GRM7: variants seen among roughly 807,000 people sequenced by gnomAD.
GRM7 encodes the protein glutamate metabotropic receptor 7.
GRM7 carries 35 observed loss-of-function variants against 84.5 expected under a neutral mutation model. The observed-to-expected ratio is 0.41, with a 90% CI of 0.32 to 0.55. The LOEUF is 0.55. GRM7 is among the 20% of genes least tolerant of loss of function. The pLI is 0.19. For synonymous variants in GRM7, 487 were observed against 455.1 expected (o/e 1.07, Z -0.89); for missense variants, 1,003 against 1,194.6 (o/e 0.84, Z 2.36).
intron 4 of GRM7, among the ~76,000 whole-genome samples, chr3:7,351,535 A>G (rs551019508): frequency 6.6e-6 from 1 of 152,038 alleles, no homozygotes; most frequent in African/African-American, 2.4e-5. Context: ...TATGTCTGTG[A>G]GGGTATCTCC....
intron 4 of GRM7, among the ~76,000 whole-genome samples, chr3:7,341,378 T>C (rs1206550257): frequency 6.6e-6 from 1 of 152,068 alleles, no homozygotes; most frequent in Middle Eastern, 3.2e-3. Flanking sequence ...CTCATGTTTT[T>C]TTTTTGTTTA....
chr3:7,718,396 A>T (rs1194077123), intron 9 of GRM7, among the ~76,000 whole-genome samples: 1 of 152,136 alleles, frequency 6.6e-6, no homozygotes, highest in African/African-American at 2.4e-5. Context: ...TAACTCACTG[A>T]CTGTTTATAA....
intron 4 of GRM7, among the ~76,000 whole-genome samples, chr3:7,410,594 T>C (rs1575295280): frequency 9.4e-6 from 1 of 106,328 alleles, no homozygotes; most frequent in African/African-American, 3.9e-5. Context: ...TATATATATA[T>C]ATATACACAC....
intron 7 of GRM7, among the ~76,000 whole-genome samples, chr3:7,537,396 G>T (rs1467499568): frequency 6.6e-6 from 1 of 152,182 alleles, no homozygotes; most frequent in African/African-American, 2.4e-5. Context: ...CTATTAAGAA[G>T]CTGTTTTAGA....
chr3:7,377,631 C>A (rs951832096), intron 4 of GRM7, among the ~76,000 whole-genome samples: 1 of 152,216 alleles, frequency 6.6e-6, no homozygotes, highest in African/African-American at 2.4e-5. Context: ...ATTAAGGTGA[C>A]CTCAGATGTT....
At chr3:7,216,581 A>G (rs1335033046) in intron 2 of GRM7, among the ~76,000 whole-genome samples, 1 of 152,312 alleles carries the variant, frequency 6.6e-6, no homozygotes, top group Non-Finnish European at 1.5e-5. Flanking sequence ...GGAAAATAAC[A>G]CATCTTTTGT....
intron 1 of GRM7, among the ~76,000 whole-genome samples, chr3:6,880,436 C>G (rs1365889774): frequency 6.6e-6 from 1 of 152,158 alleles, no homozygotes; most frequent in Non-Finnish European, 1.5e-5. Context: ...ATGACATTCT[C>G]TTTCTCTGCA....
intron 9 of GRM7, among the ~76,000 whole-genome samples, chr3:7,688,816 A>G (rs1361656644): frequency 6.6e-6 from 1 of 152,198 alleles, no homozygotes; most frequent in African/African-American, 2.4e-5. Flanking sequence ...CAAATCAAAT[A>G]TTTGCTTACA....
intron 7 of GRM7, among the ~76,000 whole-genome samples, chr3:7,562,512 T>C (rs1694074462): frequency 6.6e-6 from 1 of 152,056 alleles, no homozygotes; most frequent in Admixed American, 6.6e-5. Context: ...TGAGAGCGTT[T>C]GCAACCCAGT....
chr3:7,097,320 A>G (rs190903631), intron 1 of GRM7, among the ~76,000 whole-genome samples: 34 of 152,298 alleles, frequency 2.2e-4, no homozygotes, highest in African/African-American at 7.9e-4. Flanking sequence ...TCAATGCAAT[A>G]ACTATCCACT....
intron 1 of GRM7, among the ~76,000 whole-genome samples, chr3:6,936,147 C>G (rs1374890009): frequency 1.3e-5 from 2 of 152,200 alleles, no homozygotes; most frequent in African/African-American, 2.4e-5. Context: ...GTTCCTCCAG[C>G]ACCCAGCTGT....
intron 1 of GRM7, among the ~76,000 whole-genome samples, chr3:7,064,820 A>C (rs910114423): frequency 6.6e-6 from 1 of 151,772 alleles, no homozygotes; most frequent in Non-Finnish European, 1.5e-5. Context: ...CCAGCAGTGC[A>C]GAAGTGTTCT....
intron 7 of GRM7, among the ~76,000 whole-genome samples, chr3:7,506,317 A>C (rs1700038376): frequency 6.6e-6 from 1 of 152,148 alleles, no homozygotes; most frequent in South Asian, 2.1e-4. Flanking sequence ...ATAACTACTT[A>C]AGTAATCTCT....
At chr3:6,960,428 C>T (rs1693248677) in intron 1 of GRM7, among the ~76,000 whole-genome samples, 1 of 152,124 alleles carries the variant, frequency 6.6e-6, no homozygotes, top group Admixed American at 6.6e-5. Context: ...TCCACACTTC[C>T]TATGCTTCTG....
chr3:7,687,641 T>C lies in GRM7; in HGVS notation c.2698+7346T>C, dbSNP rs139162002. On this transcript the variant is annotated intron_variant, in intron 9 of 9. Coordinates refer to ENST00000357716, the MANE Select transcript of GRM7 (RefSeq NM_000844.4). ...AGGTCATACCGCAGGAGGGGAAAAATATTGCTTAATGATGTAGACTGGCCT... is the reference window on the plus strand; with the variant it reads ...AGGTCATACCGCAGGAGGGGAAAAACATTGCTTAATGATGTAGACTGGCCT... Among the ~76,000 whole-genome samples, 51 of 152,174 alleles carry C rather than the reference T, an allele frequency of 3.4e-4. 1 individual carries two copies. The East Asian group carries it at 8.7e-3, about 26-fold the overall frequency.
intron 7 of GRM7, among the ~76,000 whole-genome samples, chr3:7,513,053 C>A (rs1445344540): frequency 6.6e-6 from 1 of 152,152 alleles, no homozygotes; most frequent in Non-Finnish European, 1.5e-5. Context: ...TAAATGAGCC[C>A]AGGGAGTAGG....
At chr3:7,307,311 T>C (rs1700227524) in intron 4 of GRM7, among the ~76,000 whole-genome samples, 1 of 152,138 alleles carries the variant, frequency 6.6e-6, no homozygotes, top group Non-Finnish European at 1.5e-5. Flanking sequence ...GTTATGTTAT[T>C]CTTTAATTTG....
At chr3:7,206,737 A>G (rs1696253283) in intron 2 of GRM7, among the ~76,000 whole-genome samples, 1 of 152,220 alleles carries the variant, frequency 6.6e-6, no homozygotes, top group Non-Finnish European at 1.5e-5. Context: ...TTCAGGGCCC[A>G]GCTTATTATC....
At chr3:7,130,813 A>G (rs546433785) in intron 1 of GRM7, among the ~76,000 whole-genome samples, 1 of 152,172 alleles carries the variant, frequency 6.6e-6, no homozygotes, top group Admixed American at 6.5e-5. Flanking sequence ...TGTAGGAAGG[A>G]ATATTGAAAA....
Sources: gnomAD v4.1 joint callset for allele counts (sites outside exome capture counted in the v4.1 genomes callset) on GRCh38, gnomAD v4.1.1 for gene constraint, MANE v1.5 for transcripts, NCBI Gene and HGNC (gene_info 2026-07-23, HGNC 2026-07-21) for gene names.